The following ZDHHC14 variants were observed in gnomAD, a reference collection of about 807,000 sequenced individuals.
ZDHHC14 encodes the protein palmitoyltransferase ZDHHC14.
ZDHHC14 carries 16 observed loss-of-function variants against 47.7 expected under a neutral mutation model. The observed-to-expected ratio is 0.34, with a 90% CI of 0.23 to 0.51. The LOEUF is 0.51. ZDHHC14 is among the 20% of genes least tolerant of loss of function. The pLI is 0.97. For missense variants in ZDHHC14, 515 were observed against 662.5 expected (o/e 0.78, Z 2.44); for synonymous variants, 293 against 278.9 (o/e 1.05, Z -0.50).
chr6:157,466,552 T>C (rs1266625871), intron 1 of ZDHHC14, among the ~76,000 whole-genome samples: 6 of 152,168 alleles, frequency 3.9e-5, no homozygotes, highest in Non-Finnish European at 8.8e-5. Context: ...TCTTTTGTTT[T>C]TTTGGCCAGG....
chr6:157,555,614 G>C (rs1782424592), intron 2 of ZDHHC14, among the ~76,000 whole-genome samples: 1 of 152,202 alleles, frequency 6.6e-6, no homozygotes, highest in Admixed American at 6.5e-5. Flanking sequence ...TCCAGCTGGA[G>C]GGCTAGCACG....
chr6:157,482,836 G>A (rs544888878), intron 1 of ZDHHC14, among the ~76,000 whole-genome samples: 2 of 150,426 alleles, frequency 1.3e-5, no homozygotes, highest in South Asian at 2.1e-4. Context: ...TCTGCCTCCC[G>A]AGTTCAAGTG....
intron 1 of ZDHHC14, among the ~76,000 whole-genome samples, chr6:157,497,876 A>G (rs185040491): frequency 6.6e-6 from 1 of 152,200 alleles, no homozygotes; most frequent in African/African-American, 2.4e-5. Flanking sequence ...AGTAATTACC[A>G]TGGGGCCAGC....
At chr6:157,613,783 C>T (rs184698113) in intron 3 of ZDHHC14, among the ~76,000 whole-genome samples, 5 of 152,046 alleles carry the variant, frequency 3.3e-5, no homozygotes, top group African/African-American at 4.8e-5. Flanking sequence ...GAATAGGCTT[C>T]GGGAAATTGT....
chr6:157,473,135 T>C (rs1779392946), intron 1 of ZDHHC14, among the ~76,000 whole-genome samples: 1 of 152,226 alleles, frequency 6.6e-6, no homozygotes, highest in Admixed American at 6.5e-5. Context: ...TTAACACATA[T>C]ATTAGCTCAC....
chr6:157,645,931 C>T (rs1421672565), intron 6 of ZDHHC14, 92 bp downstream of exon 6: 10 of 1,099,928 alleles, frequency 9.1e-6, no homozygotes, highest in Non-Finnish European at 1.3e-5. Flanking sequence ...CCAGCTTTTC[C>T]CATACATCCC....
chr6:157,382,413 T>G lies in ZDHHC14; in HGVS notation c.245+147T>G, dbSNP rs182820180. On this transcript the variant is annotated intron_variant, in intron 1 of 8. Transcript: ENST00000359775. ...AGTCTGCGCTCCCTCTTTTTTCTTT[T>G]AAAGGTCTGATTGCTTTTGGGCCCC... 545 of 1,034,552 alleles carry G rather than the reference T, an allele frequency of 5.3e-4. 5 individuals carry two copies. In the East Asian group the frequency reaches 0.014, roughly 27 times the overall value. 64.1% of individuals were successfully genotyped at this position (1,034,552 alleles called of 1,614,324 possible).
chr6:157,386,910 A>G (rs191244870), intron 1 of ZDHHC14, among the ~76,000 whole-genome samples: 7 of 152,362 alleles, frequency 4.6e-5, no homozygotes, highest in African/African-American at 1.4e-4. Flanking sequence ...GTCCTGAAAT[A>G]TTAAACTTTC....
chr6:157,390,454 A>T (rs998113805), intron 1 of ZDHHC14, among the ~76,000 whole-genome samples: 4 of 151,666 alleles, frequency 2.6e-5, no homozygotes, highest in African/African-American at 2.4e-5. Flanking sequence ...AGTTTTGGAA[A>T]TTTTTTCATT....
intron 7 of ZDHHC14, among the ~76,000 whole-genome samples, chr6:157,653,091 G>A (rs111936543): frequency 5.3e-5 from 8 of 152,200 alleles, no homozygotes; most frequent in African/African-American, 1.9e-4. Flanking sequence ...CTGTTCCCAC[G>A]TGGCAGGCGG....
chr6:157,488,496 A>C (rs1779835199), intron 1 of ZDHHC14, among the ~76,000 whole-genome samples: 1 of 152,332 alleles, frequency 6.6e-6, no homozygotes, highest in South Asian at 2.1e-4. Flanking sequence ...CAGAAAATTT[A>C]ATCTGAAACT....
At chr6:157,494,317 C>G (rs1309904608) in intron 1 of ZDHHC14, among the ~76,000 whole-genome samples, 1 of 152,198 alleles carries the variant, frequency 6.6e-6, no homozygotes, top group Non-Finnish European at 1.5e-5. Flanking sequence ...GATGCCTGTC[C>G]CTCCTCCGAC....
chr6:157,632,992 C>A, intron 5 of ZDHHC14, 110 bp downstream of exon 5: 1 of 1,181,536 alleles, frequency 8.5e-7, no homozygotes, highest in Non-Finnish European at 1.3e-6. Context: ...TCTCATGTAT[C>A]TTATTCCAAA....
At chr6:157,507,359 C>T (rs1311717059) in intron 1 of ZDHHC14, among the ~76,000 whole-genome samples, 2 of 150,950 alleles carry the variant, frequency 1.3e-5, no homozygotes, top group Non-Finnish European at 2.9e-5. Context: ...TCTTGGCTCA[C>T]TACAACCTCC....
At chr6:157,624,345 AT>A (rs1785319183) in intron 3 of ZDHHC14, among the ~76,000 whole-genome samples, 1 of 152,154 alleles carries the variant, frequency 6.6e-6, no homozygotes, top group East Asian at 1.9e-4. Context: ...CTGCTTTTCC[AT>A]GGCCTGTTCT....
At chr6:157,638,425 G>A (rs1426141983) in intron 5 of ZDHHC14, among the ~76,000 whole-genome samples, 1 of 152,150 alleles carries the variant, frequency 6.6e-6, no homozygotes, top group Non-Finnish European at 1.5e-5. Flanking sequence ...TGGCCATGGA[G>A]CGGCTGCCCC....
Position 157,382,092 on chromosome 6 carries a change from C to G in ZDHHC14, c.71C>G (p.Pro24Arg), listed in dbSNP as rs754840104. 1.2e-6 allele frequency: 2 copies of G among 1,611,140 alleles called. No homozygotes were observed. The highest frequency in any genetic ancestry group is 1.7e-6 in the Non-Finnish European group (2 of 1,178,782). The change falls in exon 1 of 9, where the codon CCC becomes CGC. Residue 24 changes from proline (P) to arginine (R), a missense_variant. This residue lies in a region of ZDHHC14 where 59 missense variants were observed against 57.7 expected (regional missense o/e 1.02). Transcript: ENST00000359775. ...CAGATCAGCACCCACAGCTCCTCCC[C>G]CATGGAGTCGCCCCACAAGAAGAAG... ...YSQISTHSSSPMESPHKKKKI... is the reference protein window; with the variant it reads ...YSQISTHSSSRMESPHKKKKI...
chr6:157,482,260 C>CTTTTTTTTTT (rs1231434907), intron 1 of ZDHHC14, among the ~76,000 whole-genome samples: 11 of 127,520 alleles, frequency 8.6e-5, no homozygotes, highest in South Asian at 2.5e-4. Flanking sequence ...CTTTTCTTTT[C>CTTTTTTTTTT]TTTTTTTTTT....
At chr6:157,552,793 C>G (rs1782290529) in intron 2 of ZDHHC14, among the ~76,000 whole-genome samples, 1 of 152,122 alleles carries the variant, frequency 6.6e-6, no homozygotes, top group Admixed American at 6.5e-5. Context: ...CCCCAGGAGC[C>G]TTCTACACCC....
Sources: gnomAD v4.1 joint callset for allele counts (sites outside exome capture counted in the v4.1 genomes callset) on GRCh38, gnomAD v4.1.1 for gene constraint, gnomAD v4.1.1 regional missense constraint, MANE v1.5 for transcripts, NCBI Gene and HGNC (gene_info 2026-07-23, HGNC 2026-07-21) for gene names.